PEX14: variants seen among roughly 807,000 people sequenced by gnomAD.
PEX14 encodes the protein peroxisomal membrane protein PEX14.
Under a neutral mutation model 49.5 loss-of-function variants are expected in PEX14, and 15 were observed. The observed-to-expected ratio is 0.30, with a 90% CI of 0.20 to 0.47. The LOEUF is 0.47. Among genes scored for constraint, PEX14 ranks in the 20% least tolerant of loss-of-function variants. PEX14 has a pLI of 1.00. For synonymous variants in PEX14, 210 were observed against 212.7 expected (o/e 0.99, Z 0.11); for missense variants, 398 against 494.8 (o/e 0.80, Z 1.86).
At chr1:10,500,336 T>C (rs893804714) in intron 2 of PEX14, among the ~76,000 whole-genome samples, 4 of 119,866 alleles carry the variant, frequency 3.3e-5, no homozygotes, top group East Asian at 2.8e-4. Context: ...ATCGCGCTAC[T>C]GCCCTGCAGC....
chr1:10,496,901 C>G (rs1382679367), intron 2 of PEX14, among the ~76,000 whole-genome samples: 1 of 151,684 alleles, frequency 6.6e-6, no homozygotes, highest in African/African-American at 2.4e-5. Flanking sequence ...AATATTTTTT[C>G]TCCTCTTTAC....
chr1:10,531,224 T>A (rs1638641181), intron 2 of PEX14, among the ~76,000 whole-genome samples: 1 of 152,234 alleles, frequency 6.6e-6, no homozygotes, highest in Admixed American at 6.5e-5. Context: ...GTTGCATTTT[T>A]TCACGAGTGC....
In PEX14 at chr1:10,599,277, C is replaced by T. The variant is rs750193254; in HGVS notation, c.209C>T (p.Ser70Leu). The T allele has an allele frequency of 1.7e-5, 27 of 1,613,366 alleles. No individual in the cohort carries two copies. In the South Asian group the frequency reaches 2.5e-4, roughly 15 times the overall value. Reference sequence around the variant, plus strand: ...GAGATTGATATGGCCTTCCAGCAGTCGGGCACTGCTGCCGATGAGCCTTCG... The same window carrying T: ...GAGATTGATATGGCCTTCCAGCAGTTGGGCACTGCTGCCGATGAGCCTTCG... ...DEEIDMAFQQSGTAADEPSSL... is the reference protein window; with the variant it reads ...DEEIDMAFQQLGTAADEPSSL... The change falls in exon 4 of 9, where the codon TCG becomes TTG. Residue 70 changes from serine (S) to leucine (L), a missense_variant. Physicochemically the swap from Ser to Leu is moderately radical, Grantham distance 145 (BLOSUM62 -2). Around this residue, in one of 3 missense-constraint regions of PEX14, gnomAD observed 202 missense variants for 298.5 expected, o/e 0.68. Transcript: ENST00000356607.
At chr1:10,552,367 G>C (rs1243036787) in intron 3 of PEX14, among the ~76,000 whole-genome samples, 2 of 152,152 alleles carry the variant, frequency 1.3e-5, no homozygotes, top group Admixed American at 1.3e-4. Flanking sequence ...GTTTGAACCT[G>C]GGAGGCGGAG....
chr1:10,570,371 TCG>T (rs1639935621), intron 3 of PEX14, among the ~76,000 whole-genome samples: 1 of 152,204 alleles, frequency 6.6e-6, no homozygotes, highest in South Asian at 2.1e-4. Context: ...TCTTGCTCTG[TCG>T]CCAGGCTGGA....
chr1:10,562,374 T>C (rs575879298), intron 3 of PEX14, among the ~76,000 whole-genome samples: 1 of 152,356 alleles, frequency 6.6e-6, no homozygotes, highest in Admixed American at 6.5e-5. Context: ...GAAAAAGATT[T>C]TTTTCTAGCC....
chr1:10,567,206 C>G (rs1639831726), intron 3 of PEX14, among the ~76,000 whole-genome samples: 1 of 152,146 alleles, frequency 6.6e-6, no homozygotes, highest in Non-Finnish European at 1.5e-5. Context: ...TGCAGGCCAT[C>G]CAAAAATAGA....
At chr1:10,478,469 G>T (rs933091239) in intron 1 of PEX14, among the ~76,000 whole-genome samples, 3 of 152,060 alleles carry the variant, frequency 2.0e-5, no homozygotes, top group Non-Finnish European at 4.4e-5. Flanking sequence ...TGCATTTCAG[G>T]AACATACTTA....
intron 3 of PEX14, among the ~76,000 whole-genome samples, chr1:10,570,246 CT>C (rs901544239): frequency 6.6e-6 from 1 of 151,956 alleles, no homozygotes; most frequent in Admixed American, 6.6e-5. Flanking sequence ...ACATTCCATT[CT>C]TGTTTCATTG....
At chr1:10,560,437 T>TC (rs559621900) in intron 3 of PEX14, among the ~76,000 whole-genome samples, 8 of 152,158 alleles carry the variant, frequency 5.3e-5, no homozygotes, top group Non-Finnish European at 1.0e-4. Context: ...TTTCTTTCTT[T>TC]CTTTTTTGGA....
chr1:10,500,156 A>G (rs1001225830), intron 2 of PEX14, among the ~76,000 whole-genome samples: 48 of 91,372 alleles, frequency 5.3e-4, no homozygotes, highest in African/African-American at 1.4e-3. Flanking sequence ...TAATCCCAGC[A>G]CTGTGGGAGG....
At chr1:10,563,557 G>A (rs934915947) in intron 3 of PEX14, among the ~76,000 whole-genome samples, 32 of 152,024 alleles carry the variant, frequency 2.1e-4, no homozygotes, top group Non-Finnish European at 8.8e-5. Context: ...CCCGGGAGGC[G>A]GAGGTTGCTG....
intron 3 of PEX14, among the ~76,000 whole-genome samples, chr1:10,540,306 C>A (rs1273465276): frequency 6.6e-6 from 1 of 152,136 alleles, no homozygotes; most frequent in Non-Finnish European, 1.5e-5. Context: ...CAATTTAACT[C>A]TCTTTTATTA....
chr1:10,484,921 C>T lies in PEX14; in HGVS notation c.36+9919C>T, dbSNP rs920828244. Among the ~76,000 whole-genome samples the T allele has an allele frequency of 1.5e-4, 22 of 151,678 alleles. 1 individual carries two copies. The highest frequency in any genetic ancestry group is 4.9e-4 in the African/African-American group (20 of 40,988). On this transcript the variant is annotated intron_variant, in intron 1 of 8. Coordinates refer to ENST00000356607, the MANE Select transcript of PEX14 (RefSeq NM_004565.3). ...CTTAGTAAAGTGGACATTACCACGA[C>T]GTATCTCACCCACATTAATGCAGTC...
rs1641870964 is a variant in PEX14, at chr1:10,629,914, A to G, written c.1061A>G (p.Asp354Gly). The change falls in exon 9 of 9, where the codon GAT (aspartate) becomes GGT (glycine). Residue 354 changes from aspartate (D) to glycine (G), a missense_variant. Physicochemically the swap from Asp to Gly is moderately conservative, Grantham distance 94. Transcript: ENST00000356607. The surrounding 1 kb of genome is among the most constrained non-coding windows in gnomAD (Gnocchi z 8.5). Reference sequence around the variant, plus strand: ...CAGAGGGAGGACCGCCGGGGCGGGGATGGGCAGATCAACGAGCAGGTGGAG... The same window carrying G: ...CAGAGGGAGGACCGCCGGGGCGGGGGTGGGCAGATCAACGAGCAGGTGGAG... ...GVQREDRRGG[D>G]GQINEQVEKL... The G allele has an allele frequency of 6.2e-7, 1 of 1,613,078 alleles. No homozygotes were observed. Among genetic ancestry groups the G allele is most frequent in the Non-Finnish European group, 8.5e-7 (1 of 1,179,836 alleles).
At chr1:10,592,767 C>G (rs371062870) in intron 3 of PEX14, among the ~76,000 whole-genome samples, 3 of 152,206 alleles carry the variant, frequency 2.0e-5, no homozygotes. Context: ...CACTGGACCC[C>G]GTGAACCCAG....
At chr1:10,541,718 G>C (rs1400001453) in intron 3 of PEX14, among the ~76,000 whole-genome samples, 1 of 152,138 alleles carries the variant, frequency 6.6e-6, no homozygotes, top group Non-Finnish European at 1.5e-5. Flanking sequence ...CAATTTTCCC[G>C]CTCCCCCTGT....
intron 3 of PEX14, among the ~76,000 whole-genome samples, chr1:10,581,562 C>G (rs533708107): frequency 6.6e-6 from 1 of 151,808 alleles, no homozygotes; most frequent in African/African-American, 2.4e-5. Flanking sequence ...CCTTGGCCTC[C>G]CAAAGTGCTG....
chr1:10,562,756 A>C (rs1251687502), intron 3 of PEX14, among the ~76,000 whole-genome samples: 1 of 152,196 alleles, frequency 6.6e-6, no homozygotes, highest in Admixed American at 6.5e-5. Context: ...CTGAGGAGAT[A>C]CTTCGATCCT....
Sources: allele counts gnomAD v4.1 joint callset (sites outside exome capture counted in the v4.1 genomes callset), GRCh38; gene constraint gnomAD v4.1.1; regional missense constraint gnomAD v4.1.1; non-coding constraint Gnocchi (gnomAD v3.1); transcripts MANE v1.5; gene names NCBI Gene and HGNC (gene_info 2026-07-23, HGNC 2026-07-21).